The following SYNE3 variants were observed in gnomAD, a reference collection of about 807,000 sequenced individuals.
The protein encoded by SYNE3 is nesprin-3.
Under a neutral mutation model 111.2 loss-of-function variants are expected in SYNE3, and 100 were observed. That is an observed-to-expected ratio of 0.90 (90% confidence interval 0.77 to 1.06). The LOEUF (loss-of-function observed/expected upper bound fraction) is 1.06, where lower values mean the gene tolerates loss of function less well. SYNE3 is among the 50% of genes least tolerant of loss of function. The pLI, the probability that SYNE3 is intolerant of heterozygous loss-of-function variation, is 0.00. For missense variants in SYNE3, 1,160 were observed against 1,240.3 expected (o/e 0.94, Z 0.97); for synonymous variants, 547 against 533.9 (o/e 1.02, Z -0.34).
At chr14:95,432,269 G>A in intron 16 of SYNE3, 152 bp from the exon 17 acceptor site, 1 of 890,220 alleles carries the variant, frequency 1.1e-6, no homozygotes, top group Middle Eastern at 2.2e-4. Context: ...TGAGCCAGCA[G>A]ATGATTCGAT....
chr14:95,420,564 T>G (rs573773554), intron 17 of SYNE3, among the ~76,000 whole-genome samples: 2 of 152,276 alleles, frequency 1.3e-5, no homozygotes, highest in South Asian at 4.2e-4. Context: ...ATACAAGTGT[T>G]GACAAGGGAT....
intron 1 of SYNE3, among the ~76,000 whole-genome samples, chr14:95,478,562 A>C (rs17829133): frequency 0.24 from 36,380 of 152,052 alleles, 4,506 homozygotes; most frequent in Admixed American, 0.3. Context: ...GTAAGGCAGG[A>C]CGAGGTAAGC....
chr14:95,432,485 C>T (rs530474410), intron 16 of SYNE3, among the ~76,000 whole-genome samples: 13 of 152,260 alleles, frequency 8.5e-5, no homozygotes, highest in African/African-American at 2.6e-4. Context: ...GGCCAGCTCA[C>T]CACCCTCCTC....
Position 95,444,635 on chromosome 14 carries a change from A to G in SYNE3, c.1633-7T>C, listed in dbSNP as rs1333657250. On this transcript the variant is annotated splice_region_variant and splice_polypyrimidine_tract_variant and intron_variant, in intron 9 of 17. Transcript: ENST00000682763. Reference sequence around the variant, plus strand: ...TGTGCTGAGCGAGCAGGCTCTGCAGAGACACAGGACAGTGTGCACATTAAG... The same window carrying G: ...TGTGCTGAGCGAGCAGGCTCTGCAGGGACACAGGACAGTGTGCACATTAAG... 2 of 1,519,076 alleles carry G rather than the reference A, an allele frequency of 1.3e-6. No homozygotes were observed. The highest frequency in any genetic ancestry group is 2.3e-5 in the South Asian group (2 of 85,360). 94.1% of individuals were successfully genotyped at this position (1,519,076 alleles called of 1,614,324 possible). A position where few individuals can be genotyped will look rare whatever the true frequency, so the allele number is the denominator to read the frequency against.
chr14:95,425,564 T>C (rs1885384943), intron 17 of SYNE3, among the ~76,000 whole-genome samples: 2 of 152,300 alleles, frequency 1.3e-5, no homozygotes, highest in Middle Eastern at 3.4e-3. Flanking sequence ...GGTTGTACAA[T>C]ACCAAGAGTT....
At position 95,475,715 on chromosome 14, in the gene SYNE3, G is replaced by T. The variant is rs1436646599; in HGVS notation, c.107C>A (p.Pro36His). 1 of 1,601,200 alleles carries T rather than the reference G, an allele frequency of 6.2e-7. No individual in the cohort carries two copies. Among genetic ancestry groups the T allele is most frequent in the Non-Finnish European group, 8.5e-7 (1 of 1,174,666 alleles). The part of the protein sequence containing the change: ...QLQVNDNTQG[P>H]RAALEARLWE... ...CAGCCTGGCCTCCAGGGCCGCGCGGGGTCCCTGCGTGTTGTCATTGACCTG... is the reference window on the plus strand; with the variant it reads ...CAGCCTGGCCTCCAGGGCCGCGCGGTGTCCCTGCGTGTTGTCATTGACCTG... Residue 36 changes from proline to histidine, a missense_variant, in exon 2 of 18, where the codon CCC becomes CAC. Transcript: ENST00000682763.
At chr14:95,461,808 C>A (rs1887836469) in intron 4 of SYNE3, among the ~76,000 whole-genome samples, 1 of 152,208 alleles carries the variant, frequency 6.6e-6, no homozygotes, top group African/African-American at 2.4e-5. Context: ...CAGGGGAGGT[C>A]TTCATCAAGC....
chr14:95,428,088 G>A (rs564684727), intron 17 of SYNE3, among the ~76,000 whole-genome samples: 2 of 152,316 alleles, frequency 1.3e-5, no homozygotes, highest in East Asian at 3.9e-4. Context: ...GACCAAGGGA[G>A]CTGCACCTTC....
chr14:95,466,377 G>T, intron 3 of SYNE3, 137 bp from the exon 4 acceptor site: 1 of 986,200 alleles, frequency 1.0e-6, no homozygotes, highest in Non-Finnish European at 1.4e-6. Flanking sequence ...TGGCCTCTGA[G>T]TCACCTGGGC....
chr14:95,442,739 T>C (rs1214038670), intron 11 of SYNE3, among the ~76,000 whole-genome samples: 2 of 152,230 alleles, frequency 1.3e-5, no homozygotes, highest in Non-Finnish European at 2.9e-5. Context: ...CCAGGCCTTG[T>C]GCAGGCTGCA....
intron 1 of SYNE3, among the ~76,000 whole-genome samples, chr14:95,487,403 C>T (rs1889602700): frequency 6.6e-6 from 1 of 152,126 alleles, no homozygotes; most frequent in African/African-American, 2.4e-5. Context: ...GAGTGAGACC[C>T]GGAGCCGGCA....
At chr14:95,481,968 G>A (rs974721588) in intron 1 of SYNE3, among the ~76,000 whole-genome samples, 26 of 152,316 alleles carry the variant, frequency 1.7e-4, no homozygotes, top group Admixed American at 2.6e-4. Flanking sequence ...TCCTGGGGTC[G>A]CTGGGTCCAG....
chr14:95,443,114 G>A (rs763504176), intron 11 of SYNE3, 41 bp downstream of exon 11: 49 of 1,610,124 alleles, frequency 3.0e-5, no homozygotes, highest in Middle Eastern at 3.6e-4. Flanking sequence ...GACAGGGGCC[G>A]GCTCTCTGTC....
intron 6 of SYNE3, among the ~76,000 whole-genome samples, chr14:95,454,195 G>C (rs1331321982): frequency 2.0e-5 from 3 of 152,254 alleles, no homozygotes; most frequent in Non-Finnish European, 4.4e-5. Flanking sequence ...AGGGGGGATG[G>C]ATCCACTGAT....
chr14:95,483,051 C>A (rs1167708823), intron 1 of SYNE3, among the ~76,000 whole-genome samples: 3 of 152,126 alleles, frequency 2.0e-5, no homozygotes, highest in African/African-American at 7.2e-5. Flanking sequence ...AACTCCAGGG[C>A]AGGAATCTAT....
chr14:95,509,697 C>T (rs1005768238), intron 1 of SYNE3, among the ~76,000 whole-genome samples: 2 of 152,222 alleles, frequency 1.3e-5, no homozygotes, highest in Non-Finnish European at 1.5e-5. Flanking sequence ...GGGAGGGGCT[C>T]AGCCCTTTTC....
intron 1 of SYNE3, among the ~76,000 whole-genome samples, chr14:95,505,418 G>A (rs1268401840): frequency 6.6e-6 from 1 of 152,200 alleles, no homozygotes; most frequent in Non-Finnish European, 1.5e-5. Flanking sequence ...TGCCAGGCCA[G>A]GTGGCTAGTG....
Position 95,470,731 on chromosome 14 carries a change from G to A in SYNE3, c.145-2764C>T, listed in dbSNP as rs113342731. Among the ~76,000 whole-genome samples the A allele has an allele frequency of 3.5e-4, 54 of 152,298 alleles. No individual in the cohort carries two copies. The highest frequency in any genetic ancestry group is 1.2e-3 in the Admixed American group (19 of 15,306). ...TCCCAACACTTTGGGAGGCCGAGGC[G>A]GACAGATCACGAGGTCAGGAGTTTG... On this transcript the variant is annotated intron_variant, in intron 2 of 17. Coordinates refer to ENST00000682763, the MANE Select transcript of SYNE3 (RefSeq NM_152592.6). The surrounding 1 kb of genome is among the most constrained non-coding windows in gnomAD (Gnocchi z 4.2).
At chr14:95,483,743 G>A (rs117361923) in intron 1 of SYNE3, among the ~76,000 whole-genome samples, 148 of 152,270 alleles carry the variant, frequency 9.7e-4, no homozygotes, top group Non-Finnish European at 1.9e-3. Flanking sequence ...GCTTCATTCC[G>A]CCTTAGAGGT....
Sources: gnomAD v4.1 joint callset for allele counts (sites outside exome capture counted in the v4.1 genomes callset) on GRCh38, gnomAD v4.1.1 for gene constraint, Gnocchi (gnomAD v3.1) non-coding constraint, MANE v1.5 for transcripts, NCBI Gene and HGNC (gene_info 2026-07-23, HGNC 2026-07-21) for gene names.